Variants in RBFOX1 observed in about 807,000 individuals in gnomAD.
RBFOX1 encodes the protein RNA binding protein fox-1 homolog 1.
RBFOX1 carries 8 observed loss-of-function variants against 57.7 expected under a neutral mutation model. The observed-to-expected ratio is 0.14, with a 90% CI of 0.08 to 0.25. The LOEUF is 0.25. RBFOX1 is among the 10% of genes least tolerant of loss of function. RBFOX1 has a pLI of 1.00. For synonymous variants in RBFOX1, 326 were observed against 222.4 expected, an observed-to-expected ratio of 1.47 and a Z score of -4.15; for missense variants, 611 against 548.5, an observed-to-expected ratio of 1.11 and a Z score of -1.14.
At chr16:6,620,172 A>C (rs1196145508) in intron 2 of RBFOX1, among the ~76,000 whole-genome samples, 2 of 152,218 alleles carry the variant, frequency 1.3e-5, no homozygotes, top group African/African-American at 4.8e-5. Context: ...AGCATAACTA[A>C]ATTCAAAATC....
At chr16:6,934,078 C>T (rs576935828) in intron 3 of RBFOX1, among the ~76,000 whole-genome samples, 31 of 152,306 alleles carry the variant, frequency 2.0e-4, no homozygotes, top group African/African-American at 6.7e-4. Flanking sequence ...AGGCGTACGA[C>T]AGCAGCATTT....
intron 4 of RBFOX1, among the ~76,000 whole-genome samples, chr16:7,480,524 A>C (rs1434472318): frequency 6.6e-6 from 1 of 152,260 alleles, no homozygotes; most frequent in Non-Finnish European, 1.5e-5. Context: ...CGTTTAAAAA[A>C]ATACATATAT....
intron 3 of RBFOX1, among the ~76,000 whole-genome samples, chr16:6,988,925 C>G (rs921391787): frequency 6.6e-6 from 1 of 152,024 alleles, no homozygotes; most frequent in African/African-American, 2.4e-5. Flanking sequence ...GCGCCCACTA[C>G]CATGCCTGGC....
intron 3 of RBFOX1, chr16:6,721,662 C>G (rs922315865): frequency 1.3e-4 from 20 of 152,144 alleles, no homozygotes; most frequent in African/African-American, 4.8e-4. Flanking sequence ...TTCTAGCTAC[C>G]TCATACATGA....
intron 2 of RBFOX1, among the ~76,000 whole-genome samples, chr16:6,641,741 A>T (rs1326088622): frequency 3.5e-5 from 1 of 28,864 alleles, no homozygotes; most frequent in East Asian, 1.3e-3. Context: ...TCTCAAAAAA[A>T]AAAAAAAAAA....
rs1384853806 is a variant in RBFOX1 at position 7,223,705 on chromosome 16, T to C, written c.27+171607T>C. On this transcript the variant is annotated intron_variant, in intron 4 of 15. Coordinates refer to ENST00000550418, the MANE Select transcript of RBFOX1 (RefSeq NM_018723.4). ...TAAATTCCCCACTATATGCCGTCAG[T>C]GTTTCAGAAAAAAAAAAAAAAAAAA... Among the ~76,000 whole-genome samples, 4 of 125,148 alleles carry C rather than the reference T, an allele frequency of 3.2e-5. No homozygotes were observed. The East Asian group carries it at 1.1e-3, about 35-fold the overall frequency. 82.1% of individuals were successfully genotyped at this position (125,148 alleles called of 152,430 possible). A position where few individuals can be genotyped will look rare whatever the true frequency, so the allele number is the denominator to read the frequency against.
Position 7,646,334 on chromosome 16 carries a change from G to C in RBFOX1, c.758-7481G>C, listed in dbSNP as rs1327691069. Among the ~76,000 whole-genome samples the C allele has an allele frequency of 2.6e-5, 4 of 152,190 alleles. No individual in the cohort carries two copies. The East Asian group carries it at 7.7e-4, about 29-fold the overall frequency. ...TTCTTAATTTATGGTCCAGCACATG[G>C]AATGGGAGTTCCCCCAAGGGGAATC... On this transcript the variant is annotated intron_variant, in intron 11 of 15. Transcript: ENST00000550418.
chr16:5,475,101 T>C lies in RBFOX1; in HGVS notation c.258+7847T>C, dbSNP rs572811367. On this transcript the variant is annotated intron_variant, in intron 2 of 2. Transcript: ENST00000585867. ...AAGTGGCACATGGATGGATTTCGTTTATTCAGCCAGTCTGAGAATCCTAGT... is the reference window on the plus strand; with the variant it reads ...AAGTGGCACATGGATGGATTTCGTTCATTCAGCCAGTCTGAGAATCCTAGT... Among the ~76,000 whole-genome samples, 5 of 152,352 alleles carry C rather than the reference T, an allele frequency of 3.3e-5. No homozygotes were observed. The South Asian group carries it at 1.0e-3, about 32-fold the overall frequency.
At chr16:6,713,973 G>A (rs978022022) in intron 3 of RBFOX1, among the ~76,000 whole-genome samples, 2 of 152,180 alleles carry the variant, frequency 1.3e-5, no homozygotes, top group African/African-American at 4.8e-5. Context: ...TAGTTGATAC[G>A]GTTAGGCTTT....
chr16:5,929,639 G>A (rs1282259170), intron 4 of RBFOX1, among the ~76,000 whole-genome samples: 2 of 152,150 alleles, frequency 1.3e-5, no homozygotes, highest in East Asian at 3.9e-4. Context: ...TAAAGTGAAA[G>A]ACTTCATAGT....
chr16:6,276,616 T>C (rs925217072), intron 1 of RBFOX1, among the ~76,000 whole-genome samples: 1 of 152,194 alleles, frequency 6.6e-6, no homozygotes, highest in African/African-American at 2.4e-5. Flanking sequence ...GTGCTGGGAT[T>C]ACAGGCATGA....
At chr16:6,924,397 A>C (rs2075133884) in intron 3 of RBFOX1, among the ~76,000 whole-genome samples, 1 of 151,846 alleles carries the variant, frequency 6.6e-6, no homozygotes, top group Non-Finnish European at 1.5e-5. Context: ...GCCTCCTTTA[A>C]ACAACCAGAT....
chr16:5,810,134 A>G (rs942968384), intron 3 of RBFOX1, among the ~76,000 whole-genome samples: 3 of 146,442 alleles, frequency 2.0e-5, no homozygotes, highest in African/African-American at 7.5e-5. Context: ...GTGAGAACAC[A>G]TGGACACAGG....
intron 4 of RBFOX1, among the ~76,000 whole-genome samples, chr16:7,175,886 C>G (rs777044996): frequency 1.5e-4 from 23 of 152,114 alleles, no homozygotes; most frequent in Non-Finnish European, 2.5e-4. Flanking sequence ...TATATTAGCC[C>G]TCTGAGCATA....
chr16:5,367,435 C>G (rs2065748035), intron 1 of RBFOX1, among the ~76,000 whole-genome samples: 1 of 152,188 alleles, frequency 6.6e-6, no homozygotes. Context: ...TCTCTCCAAG[C>G]TGCAGGTGAC....
At chr16:6,146,484 A>G (rs935810) in intron 1 of RBFOX1, among the ~76,000 whole-genome samples, 49,458 of 151,852 alleles carry the variant, frequency 0.33, 8,381 homozygotes, top group Middle Eastern at 0.41. Context: ...AGATGCTGGT[A>G]AAACCCCCTC....
chr16:7,095,669 G>T (rs2061571094), intron 4 of RBFOX1, among the ~76,000 whole-genome samples: 1 of 152,144 alleles, frequency 6.6e-6, no homozygotes, highest in Non-Finnish European at 1.5e-5. Context: ...AATCATGTTG[G>T]TAAGGTCTTG....
At chr16:7,163,831 A>G (rs1345104687) in intron 4 of RBFOX1, among the ~76,000 whole-genome samples, 4 of 151,860 alleles carry the variant, frequency 2.6e-5, no homozygotes, top group East Asian at 3.9e-4. Flanking sequence ...TAATTTTTGT[A>G]TTGTTTTTGG....
chr16:6,882,344 G>A (rs531394730), intron 3 of RBFOX1, among the ~76,000 whole-genome samples: 2 of 152,284 alleles, frequency 1.3e-5, no homozygotes, highest in East Asian at 3.9e-4. Context: ...ACTTTTAGCA[G>A]TGAGCAGTAT....
Sources: allele counts gnomAD v4.1 joint callset (sites outside exome capture counted in the v4.1 genomes callset), GRCh38; gene constraint gnomAD v4.1.1; transcripts MANE v1.5; gene names NCBI Gene and HGNC (gene_info 2026-07-23, HGNC 2026-07-21).